Variants in CENPT observed in about 807,000 individuals in gnomAD.
The protein encoded by CENPT is interphase centromere complex protein 22.
CENPT carries 42 observed loss-of-function variants against 59.7 expected under a neutral mutation model. The ratio of observed to expected loss-of-function variants is 0.70; its 90% CI spans 0.55 to 0.91. The LOEUF (loss-of-function observed/expected upper bound fraction) is 0.91. Among genes scored for constraint, CENPT ranks in the 40% least tolerant of loss-of-function variants. The pLI is 0.00. For synonymous variants in CENPT, 295 were observed against 289.6 expected (o/e 1.02, Z -0.19); for missense variants, 716 against 713.4 (o/e 1.00, Z -0.04).
chr16:67,841,207 A>G (rs1390984161), intron 1 of CENPT, among the ~76,000 whole-genome samples: 5 of 148,236 alleles, frequency 3.4e-5, no homozygotes, highest in African/African-American at 1.2e-4. Context: ...AAAAAAAAAA[A>G]AAAAAAAAAA....
intron 1 of CENPT, chr16:67,846,939 C>G (rs1398899634): frequency 6.6e-6 from 1 of 152,436 alleles, no homozygotes; most frequent in South Asian, 2.1e-4. Context: ...GGCCGCAGAC[C>G]GCGCTGGGTT....
At chr16:67,831,051 C>T in intron 10 of CENPT, 165 bp downstream of exon 10, 1 of 851,094 alleles carries the variant, frequency 1.2e-6, no homozygotes, top group Admixed American at 2.1e-5. Context: ...GGAAAGAGGC[C>T]CCCTGTAGAA....
At chr16:67,837,160 G>A (rs1029115969) in intron 1 of CENPT, among the ~76,000 whole-genome samples, 1 of 151,518 alleles carries the variant, frequency 6.6e-6, no homozygotes, top group Non-Finnish European at 1.5e-5. Context: ...GTGAGCCACC[G>A]TGCCTTGCCT....
chr16:67,831,996 G>A lies in CENPT; in HGVS notation c.386+16C>T, dbSNP rs2057695418. The A allele has an allele frequency of 6.3e-7, 1 of 1,592,590 alleles. No individual in the cohort carries two copies. Among genetic ancestry groups the A allele is most frequent in the African/African-American group, 1.3e-5 (1 of 74,352 alleles). On this transcript the variant is annotated intron_variant, in intron 7 of 15. Transcript: ENST00000562787. Reference sequence around the variant, plus strand: ...GCTGCCCATAGCACAATCCAAGGTGGGGGAGTTCTGTGTACCTGCCGCAAC... The same window carrying A: ...GCTGCCCATAGCACAATCCAAGGTGAGGGAGTTCTGTGTACCTGCCGCAAC...
chr16:67,843,620 G>T lies in CENPT; in HGVS notation c.-492+3781C>A. On this transcript the variant is annotated intron_variant, in intron 1 of 15. Transcript: ENST00000562787. This position sits in a 1 kb window ranked among gnomAD's most constrained non-coding sequence, Gnocchi z 5.7. ...GACAGTACTGAGGCTTAAGGCAGCTGGACTCTCTTGCTGGTGACCTGGCAT... is the reference window on the plus strand; with the variant it reads ...GACAGTACTGAGGCTTAAGGCAGCTTGACTCTCTTGCTGGTGACCTGGCAT... The T allele has an allele frequency of 9.9e-7, 1 of 1,014,716 alleles. No homozygotes were observed. The highest frequency in any genetic ancestry group is 1.4e-6 in the Non-Finnish European group (1 of 704,116). The allele number at this position is 1,014,716 out of a possible 1,614,324, so 62.9% of individuals were successfully genotyped here.
intron 1 of CENPT, chr16:67,841,822 C>A (rs764267590): frequency 6.6e-6 from 1 of 152,396 alleles, no homozygotes; most frequent in East Asian, 1.9e-4. Flanking sequence ...CTTCGGGGCG[C>A]CGAGGCCCAG....
At chr16:67,835,328 C>T (rs867560666) in intron 2 of CENPT, 28 bp from the exon 3 acceptor site, 5 of 152,186 alleles carry the variant, frequency 3.3e-5, no homozygotes, top group Middle Eastern at 6.8e-3. Context: ...TTATCAGATA[C>T]CTGAGACAAG....
At chr16:67,837,590 C>T (rs1265556186) in intron 1 of CENPT, among the ~76,000 whole-genome samples, 2 of 152,028 alleles carry the variant, frequency 1.3e-5, no homozygotes, top group Non-Finnish European at 2.9e-5. Flanking sequence ...TGCCTGTAAT[C>T]CCAGCTACTC....
At chr16:67,839,828 C>T (rs897096176) in intron 1 of CENPT, among the ~76,000 whole-genome samples, 12 of 151,774 alleles carry the variant, frequency 7.9e-5, no homozygotes, top group African/African-American at 1.2e-4. Context: ...AAGCCGAGAT[C>T]GCACCACTGC....
chr16:67,839,572 A>G (rs2057750258), intron 1 of CENPT, among the ~76,000 whole-genome samples: 1 of 151,344 alleles, frequency 6.6e-6, no homozygotes, highest in African/African-American at 2.4e-5. Flanking sequence ...AAAAATAAAA[A>G]TAAATAAATA....
chr16:67,830,791 T>C (rs755558206), intron 10 of CENPT: 8 of 552,948 alleles, frequency 1.4e-5, no homozygotes, highest in Non-Finnish European at 2.2e-5. Context: ...CAGGCCCCTA[T>C]AGCTGCCCGC....
intron 9 of CENPT, 65 bp downstream of exon 9, chr16:67,831,511 C>T (rs2057688560): frequency 6.3e-7 from 1 of 1,593,852 alleles, no homozygotes; most frequent in African/African-American, 1.3e-5. Context: ...CCATCCCAGG[C>T]AGCACCTCCC....
chr16:67,830,822 A>C (rs1240835287), intron 10 of CENPT: 1 of 528,128 alleles, frequency 1.9e-6, no homozygotes. Flanking sequence ...CCCACTTAAA[A>C]TACCTCTTCG....
chr16:67,830,028 A>G lies in CENPT; in HGVS notation c.923T>C (p.Leu308Pro), dbSNP rs1171610269. The change falls in exon 12 of 16, where the codon CTG becomes CCG. Residue 308 changes from leucine (L) to proline (P), a missense_variant. By Grantham distance (98) the Leu-to-Pro change is moderately conservative (BLOSUM62 -3). Transcript: ENST00000562787. ...GEAEEVNAFA[L>P]GFLSTSSGVS... is the part of the protein sequence containing the mutation. ...ACCACTGCTGGTGCTCAGGAAGCCC[A>G]GAGCAAAGGCATTGACCTCCTCTGC... 6.2e-7 allele frequency: 1 copy of G among 1,614,120 alleles called. No individual in the cohort carries two copies. The highest frequency in any genetic ancestry group is 1.3e-5 in the African/African-American group (1 of 74,938).
rs2057769404 is a variant in CENPT, at chr16:67,842,547, G to T, written c.-492+4854C>A. The T allele has an allele frequency of 6.6e-7, 1 of 1,508,436 alleles. No homozygotes were observed. The highest frequency in any genetic ancestry group is 2.5e-5 in the East Asian group (1 of 40,296). 93.4% of individuals were successfully genotyped at this position (1,508,436 alleles called of 1,614,324 possible). A position where few individuals can be genotyped will look rare whatever the true frequency, so the allele number is the denominator to read the frequency against. ...CCGGTGGGCCGGGCCGGGCCGCGCG[G>T]CGCAGCCATGCCTGGCTTTACGTGC... On this transcript the variant is annotated intron_variant, in intron 1 of 15. Transcript: ENST00000562787. The surrounding 1 kb of genome is among the most constrained non-coding windows in gnomAD (Gnocchi z 4.9).
chr16:67,846,460 T>A (rs1484210712), intron 1 of CENPT, among the ~76,000 whole-genome samples: 1 of 152,204 alleles, frequency 6.6e-6, no homozygotes, highest in Non-Finnish European at 1.5e-5. Context: ...CCCGGGCTGG[T>A]TAAGGCCACA....
At chr16:67,835,346 A>G (rs1415403947) in intron 2 of CENPT, 46 bp from the exon 3 acceptor site, 1 of 152,000 alleles carries the variant, frequency 6.6e-6, no homozygotes, top group African/African-American at 2.4e-5. Context: ...AAGCATGGGC[A>G]TATTTGTGCT....
At chr16:67,839,427 G>A (rs1386510492) in intron 1 of CENPT, among the ~76,000 whole-genome samples, 1 of 150,954 alleles carries the variant, frequency 6.6e-6, no homozygotes, top group Non-Finnish European at 1.5e-5. Flanking sequence ...GGGTGTGGTC[G>A]TGCACACCTG....
intron 1 of CENPT, among the ~76,000 whole-genome samples, chr16:67,837,630 C>T (rs1315707283): frequency 6.6e-6 from 1 of 152,100 alleles, no homozygotes; most frequent in African/African-American, 2.4e-5. Flanking sequence ...ATCGCTTGAA[C>T]TTGGAGGGTG....
Sources: gnomAD v4.1 joint callset for allele counts (sites outside exome capture counted in the v4.1 genomes callset) on GRCh38, gnomAD v4.1.1 for gene constraint, Gnocchi (gnomAD v3.1) non-coding constraint, MANE v1.5 for transcripts, NCBI Gene and HGNC (gene_info 2026-07-23, HGNC 2026-07-21) for gene names.